Variants in NCAM1 observed in about 807,000 individuals in gnomAD.
The protein encoded by NCAM1 is neural cell adhesion molecule 1, also known as antigen recognized by monoclonal antibody 5.1H11.
Under a neutral mutation model 109.8 loss-of-function variants are expected in NCAM1, and 14 were observed. The observed-to-expected ratio is 0.13, with a 90% CI of 0.08 to 0.20. The LOEUF (loss-of-function observed/expected upper bound fraction) is 0.20. Among genes scored for constraint, NCAM1 ranks in the 10% least tolerant of loss-of-function variants. The probability of loss-of-function intolerance (pLI) is 1.00; values close to 1 mark genes in which losing one functional copy is unlikely to be tolerated. For synonymous variants in NCAM1, 418 were observed against 442.9 expected (o/e 0.94, Z 0.70); for missense variants, 774 against 1,109.9 (o/e 0.70, Z 4.30).
At chr11:113,064,848 G>T (rs574844970) in intron 1 of NCAM1, among the ~76,000 whole-genome samples, 2 of 152,040 alleles carry the variant, frequency 1.3e-5, no homozygotes, top group African/African-American at 4.8e-5. Context: ...AAAATATAAC[G>T]TTTAATATAG....
chr11:112,975,551 T>G (rs577360737), intron 1 of NCAM1, among the ~76,000 whole-genome samples: 1 of 152,174 alleles, frequency 6.6e-6, no homozygotes, highest in South Asian at 2.1e-4. Context: ...TCTCAGCATT[T>G]TTTTCCTTTT....
At chr11:113,124,262 A>G (rs182565263) in intron 1 of NCAM1, among the ~76,000 whole-genome samples, 1 of 152,276 alleles carries the variant, frequency 6.6e-6, no homozygotes, top group East Asian at 1.9e-4. Context: ...TCGCAGGACT[A>G]TTCTACCATC....
chr11:113,023,142 T>C (rs1555076547), intron 1 of NCAM1, among the ~76,000 whole-genome samples: 1 of 152,248 alleles, frequency 6.6e-6, no homozygotes, highest in Non-Finnish European at 1.5e-5. Context: ...ATACTGTTTA[T>C]GCAAATATCA....
chr11:113,091,228 G>A (rs1191294301), intron 1 of NCAM1, among the ~76,000 whole-genome samples: 7 of 151,820 alleles, frequency 4.6e-5, no homozygotes, highest in African/African-American at 1.7e-4. Flanking sequence ...CAAGCATCTG[G>A]TAAGAGAGAA....
At chr11:113,159,966 G>C (rs1371161427) in intron 1 of NCAM1, among the ~76,000 whole-genome samples, 1 of 150,310 alleles carries the variant, frequency 6.7e-6, no homozygotes, top group Admixed American at 6.7e-5. Context: ...TCATTACTCA[G>C]TGTTCATTAC....
chr11:113,131,715 G>A (rs997932933), intron 1 of NCAM1, among the ~76,000 whole-genome samples: 2 of 152,164 alleles, frequency 1.3e-5, no homozygotes, highest in East Asian at 3.9e-4. Flanking sequence ...TCTTCCCCCA[G>A]ACGTCCCCAG....
intron 14 of NCAM1, among the ~76,000 whole-genome samples, chr11:113,237,458 G>A (rs1420976418): frequency 2.0e-5 from 3 of 152,242 alleles, no homozygotes; most frequent in Admixed American, 6.5e-5. Flanking sequence ...TACCTCAGCA[G>A]AGTTGGTGCC....
rs35387760 is a variant in NCAM1, at chr11:113,210,775, AACACACACACACACACAC to A, written c.916+2803_916+2820del. On this transcript the variant is annotated intron_variant, in intron 7 of 19. Coordinates refer to ENST00000316851, the MANE Select transcript of NCAM1 (RefSeq NM_181351.5). ...GACACATACACCCCTCTTCATCACA[AACACACACACACACACAC>A]ACACACACACACACACACACACACA... 3.2e-4 allele frequency among the ~76,000 whole-genome samples: 42 copies of A among 130,978 alleles called. 1 individual carries two copies. The East Asian group carries it at 4.9e-3, about 15-fold the overall frequency. 85.9% of individuals were successfully genotyped at this position (130,978 alleles called of 152,430 possible). A position where few individuals can be genotyped will look rare whatever the true frequency, so the allele number is the denominator to read the frequency against.
Position 113,231,707 on chromosome 11 carries a change from C to T in NCAM1, c.1152C>T (p.Ser384=), listed in dbSNP as rs1555117264. ...HARVSSLTLK[S]IQYTDAGEYI... ...GTGTGTCGTCGCTGACCCTGAAGAG[C>T]ATCCAGTACACTGATGCCGGAGAGT... Residue 384 remains serine, a synonymous_variant, in exon 10 of 20, where the codon AGC becomes AGT. Coordinates refer to ENST00000316851, the MANE Select transcript of NCAM1 (RefSeq NM_181351.5). The T allele has an allele frequency of 1.2e-6, 2 of 1,613,948 alleles. No homozygotes were observed. The highest frequency in any genetic ancestry group is 1.1e-5 in the South Asian group (1 of 91,076).
rs189227144 is a variant in NCAM1, at chr11:113,274,556, G to T, written c.2457-711G>T. Among the ~76,000 whole-genome samples the T allele has an allele frequency of 2.4e-3, 363 of 152,318 alleles. 1 individual carries two copies. Among genetic ancestry groups the T allele is most frequent in the African/African-American group, 8.4e-3 (349 of 41,560 alleles). On this transcript the variant is annotated intron_variant, in intron 19 of 19. Transcript: ENST00000316851. The surrounding 1 kb of genome is among the most constrained non-coding windows in gnomAD (Gnocchi z 4.1). Reference sequence around the variant, plus strand: ...AGCTGCCATGCTGCCACCATGGGCTGCAAGGGGCTCTCGCCAGGAGCCCTG... The same window carrying T: ...AGCTGCCATGCTGCCACCATGGGCTTCAAGGGGCTCTCGCCAGGAGCCCTG...
chr11:113,192,447 A>C (rs1448789343), intron 1 of NCAM1, among the ~76,000 whole-genome samples: 2 of 152,198 alleles, frequency 1.3e-5, no homozygotes, highest in African/African-American at 4.8e-5. Context: ...AGGGAGCAAG[A>C]AACCTGAGCT....
At chr11:112,984,753 T>C (rs940551875) in intron 1 of NCAM1, among the ~76,000 whole-genome samples, 1 of 152,052 alleles carries the variant, frequency 6.6e-6, no homozygotes. Context: ...TTATTCATTT[T>C]TTTTTGCTGT....
chr11:113,234,326 T>A (rs1175471053), intron 13 of NCAM1, among the ~76,000 whole-genome samples: 2 of 152,076 alleles, frequency 1.3e-5, no homozygotes, highest in Non-Finnish European at 2.9e-5. Context: ...ACATTTTACG[T>A]TCCATCATTT....
chr11:113,241,500 T>A (rs915480090), intron 14 of NCAM1, among the ~76,000 whole-genome samples: 1 of 152,118 alleles, frequency 6.6e-6, no homozygotes, highest in Non-Finnish European at 1.5e-5. Context: ...CACAAACATT[T>A]TCATGTTTAT....
intron 15 of NCAM1, among the ~76,000 whole-genome samples, chr11:113,247,015 T>C (rs531025504): frequency 1.9e-4 from 29 of 152,314 alleles, no homozygotes; most frequent in African/African-American, 7.0e-4. Context: ...AAAAGTCACT[T>C]GGCAATTACC....
At chr11:113,143,056 A>G (rs192700574) in intron 1 of NCAM1, among the ~76,000 whole-genome samples, 1 of 152,300 alleles carries the variant, frequency 6.6e-6, no homozygotes, top group African/African-American at 2.4e-5. Flanking sequence ...AAATAAGGAT[A>G]TAATCTCTAA....
intron 1 of NCAM1, among the ~76,000 whole-genome samples, chr11:112,964,142 TTTTTTTTTTTTTG>T (rs200091373): frequency 0.38 from 26,919 of 71,140 alleles, 3,036 homozygotes; most frequent in African/African-American, 0.5. Flanking sequence ...TTTTTTTTGT[TTTTTTTTTTTTTG>T]TTTTTTTTTT....
chr11:112,986,599 G>C (rs953777736), intron 1 of NCAM1, among the ~76,000 whole-genome samples: 1 of 151,890 alleles, frequency 6.6e-6, no homozygotes, highest in African/African-American at 2.4e-5. Context: ...CTTGTTACCT[G>C]TCTGCTCACA....
chr11:113,064,403 G>C (rs1253281523), intron 1 of NCAM1, among the ~76,000 whole-genome samples: 1 of 152,180 alleles, frequency 6.6e-6, no homozygotes, highest in African/African-American at 2.4e-5. Flanking sequence ...CCAATGTTAA[G>C]TTTTAAGTTA....
Sources: gnomAD v4.1 joint callset for allele counts (sites outside exome capture counted in the v4.1 genomes callset) on GRCh38, gnomAD v4.1.1 for gene constraint, Gnocchi (gnomAD v3.1) non-coding constraint, MANE v1.5 for transcripts, NCBI Gene and HGNC (gene_info 2026-07-23, HGNC 2026-07-21) for gene names.